ATP8A2: variants seen among roughly 807,000 people sequenced by gnomAD.
The protein encoded by ATP8A2 is ATPase phospholipid transporting 8A2, also known as phospholipid-transporting ATPase IB.
A neutral mutation model predicts 165.6 loss-of-function variants in ATP8A2; 100 were observed. That is an observed-to-expected ratio of 0.60 (90% CI 0.51 to 0.71). ATP8A2 has a LOEUF of 0.71. ATP8A2 is among the 30% of genes least tolerant of loss of function. The pLI, the probability that ATP8A2 is intolerant of heterozygous loss-of-function variation, is 0.00. For missense variants in ATP8A2, 1,227 were observed against 1,479.5 expected (o/e 0.83, Z 2.80); for synonymous variants, 543 against 548.8 (o/e 0.99, Z 0.15).
intron 1 of ATP8A2, among the ~76,000 whole-genome samples, chr13:25,390,621 C>T (rs2033209183): frequency 6.6e-6 from 1 of 152,116 alleles, no homozygotes. Context: ...GCTTCTTTCA[C>T]TTACATACTG....
chr13:25,839,607 T>G lies in ATP8A2; in HGVS notation c.2939T>G (p.Met980Arg). 6.2e-7 allele frequency: 1 copy of G among 1,613,980 alleles called. No individual in the cohort carries two copies. Among genetic ancestry groups the G allele is most frequent in the Non-Finnish European group, 8.5e-7 (1 of 1,179,856 alleles). ...VHSLILFWFP[M>R]KALEHDTVLT... is the part of the protein sequence containing the mutation. ...TCCCTCATCCTCTTCTGGTTTCCCA[T>G]GAAAGCTCTGGAGCATGGTAAGGGC... The change falls in exon 30 of 37, where the codon ATG (methionine) becomes AGG (arginine). Residue 980 changes from methionine (M) to arginine (R), a missense_variant. Around this residue, in one of 5 missense-constraint regions of ATP8A2, gnomAD observed 260 missense variants for 245.1 expected, o/e 1.06. Transcript: ENST00000381655.
chr13:25,531,273 T>TATATGATATATGTTATATATG (rs1181983707), intron 4 of ATP8A2, among the ~76,000 whole-genome samples: 4 of 54,956 alleles, frequency 7.3e-5, no homozygotes, highest in Non-Finnish European at 1.8e-4. Context: ...ATATATATGA[T>TATATGATATATGTTATATATG]ATATATGTTA....
intron 1 of ATP8A2, among the ~76,000 whole-genome samples, chr13:25,463,033 G>A (rs1233681667): frequency 1.3e-5 from 2 of 151,996 alleles, no homozygotes; most frequent in Non-Finnish European, 2.9e-5. Flanking sequence ...GGAGGAAGAC[G>A]AGGGTGGCCT....
rs112629134 is a variant in ATP8A2 at position 25,592,935 on chromosome 13, T to G, written c.2211+3236T>G. On this transcript the variant is annotated intron_variant, in intron 24 of 36. Coordinates refer to ENST00000381655, the MANE Select transcript of ATP8A2 (RefSeq NM_016529.6). ...TTTTAGTATAATGACTGTAATTTAT[T>G]CAGTATCTACTGAGCAGAGGTGCAC... 4.5e-3 allele frequency among the ~76,000 whole-genome samples: 689 copies of G among 152,330 alleles called. 6 individuals are homozygous for G. The highest frequency in any genetic ancestry group is 8.3e-3 in the Non-Finnish European group (563 of 68,032).
At position 25,786,923 on chromosome 13, in the gene ATP8A2, T is replaced by G. The variant is rs542059924; in HGVS notation, c.2679+11964T>G. On this transcript the variant is annotated intron_variant, in intron 27 of 36. Transcript: ENST00000381655. ...GGTGTCCACCACCATACCCGGCTAA[T>G]TTTTTAAAAAATTATCTTTAGTAGG... Among the ~76,000 whole-genome samples the G allele has an allele frequency of 3.3e-5, 5 of 152,252 alleles. No homozygotes were observed. In the East Asian group the frequency reaches 9.7e-4, roughly 29 times the overall value.
chr13:25,997,563 A>G (rs1000543258), intron 35 of ATP8A2, among the ~76,000 whole-genome samples: 10 of 152,126 alleles, frequency 6.6e-5, no homozygotes, highest in African/African-American at 2.4e-4. Context: ...GAAGACGTGA[A>G]TGTTAGATCT....
At chr13:25,513,218 G>A (rs368639215) in intron 2 of ATP8A2, among the ~76,000 whole-genome samples, 42 of 151,218 alleles carry the variant, frequency 2.8e-4, no homozygotes, top group African/African-American at 9.9e-4. Flanking sequence ...GTTGCCAGGT[G>A]GAGGGTCTCC....
intron 2 of ATP8A2, among the ~76,000 whole-genome samples, chr13:25,480,163 G>C (rs527521334): frequency 2.1e-5 from 3 of 142,480 alleles, no homozygotes; most frequent in Non-Finnish European, 3.1e-5. Context: ...CTGGCCGGGT[G>C]GGGGGCTGAC....
chr13:25,683,376 A>G (rs906249989), intron 24 of ATP8A2, among the ~76,000 whole-genome samples: 2 of 152,188 alleles, frequency 1.3e-5, no homozygotes, highest in African/African-American at 4.8e-5. Context: ...AGTTTCTTAA[A>G]ATGCGTGATT....
At chr13:26,011,108 C>T (rs1361472787) in intron 35 of ATP8A2, among the ~76,000 whole-genome samples, 5 of 152,128 alleles carry the variant, frequency 3.3e-5, no homozygotes, top group African/African-American at 9.7e-5. Context: ...TCTACAACTC[C>T]GTATCCCCTC....
At chr13:25,531,398 TTATATATATGATTATATATATGA>T (rs869275254) in intron 4 of ATP8A2, among the ~76,000 whole-genome samples, 17 of 87,294 alleles carry the variant, frequency 1.9e-4, no homozygotes, top group African/African-American at 5.5e-4. Context: ...ATATATATGA[TTATATATATGATTATATATATGA>T]TATATATATG....
At chr13:25,954,320 G>A (rs561327425) in intron 33 of ATP8A2, among the ~76,000 whole-genome samples, 2 of 152,280 alleles carry the variant, frequency 1.3e-5, no homozygotes, top group South Asian at 2.1e-4. Context: ...CCCCCTCTCT[G>A]GGCAGGGCAT....
intron 27 of ATP8A2, among the ~76,000 whole-genome samples, chr13:25,817,349 A>ATG (rs1258632760): frequency 2.7e-4 from 15 of 56,144 alleles, no homozygotes; most frequent in Non-Finnish European, 5.5e-4. Flanking sequence ...ATGGTCTTTT[A>ATG]TGGGGGGGGG....
At chr13:25,763,734 A>T (rs2044432906) in intron 25 of ATP8A2, among the ~76,000 whole-genome samples, 1 of 152,212 alleles carries the variant, frequency 6.6e-6, no homozygotes, top group African/African-American at 2.4e-5. Flanking sequence ...AGGGAGCCGC[A>T]CAGTTTGGAT....
intron 1 of ATP8A2, among the ~76,000 whole-genome samples, chr13:25,464,929 C>G (rs899850091): frequency 3.3e-5 from 5 of 152,226 alleles, no homozygotes; most frequent in African/African-American, 1.2e-4. Context: ...CTTGACCTTC[C>G]ACTCTCTTGT....
At chr13:25,568,873 C>T (rs1196021620) in intron 16 of ATP8A2, among the ~76,000 whole-genome samples, 1 of 152,090 alleles carries the variant, frequency 6.6e-6, no homozygotes, top group Non-Finnish European at 1.5e-5. Context: ...AATTTTGTCT[C>T]TTCTCCCTAA....
intron 33 of ATP8A2, among the ~76,000 whole-genome samples, chr13:25,933,073 C>T (rs1164402962): frequency 1.3e-5 from 2 of 152,220 alleles, no homozygotes; most frequent in Non-Finnish European, 2.9e-5. Flanking sequence ...GTCTCAAACT[C>T]CTGATCTCAG....
At chr13:25,709,090 C>T (rs148955733) in intron 25 of ATP8A2, among the ~76,000 whole-genome samples, 58 of 152,268 alleles carry the variant, frequency 3.8e-4, no homozygotes, top group African/African-American at 1.4e-3. Context: ...TAGTTTCTGA[C>T]AGGCCTGTAA....
At chr13:25,590,860 A>C (rs1392362821) in intron 24 of ATP8A2, among the ~76,000 whole-genome samples, 1 of 152,126 alleles carries the variant, frequency 6.6e-6, no homozygotes, top group Non-Finnish European at 1.5e-5. Flanking sequence ...GGCAGGAGGC[A>C]GGGGGAGAGT....
Sources: gnomAD v4.1 joint callset for allele counts (sites outside exome capture counted in the v4.1 genomes callset) on GRCh38, gnomAD v4.1.1 for gene constraint, gnomAD v4.1.1 regional missense constraint, MANE v1.5 for transcripts, NCBI Gene and HGNC (gene_info 2026-07-23, HGNC 2026-07-21) for gene names.